Variants in SEMA6D observed in about 807,000 individuals in gnomAD.
SEMA6D encodes the protein semaphorin 6D.
Under a neutral mutation model 106.6 loss-of-function variants are expected in SEMA6D, and 35 were observed. That is an observed-to-expected ratio of 0.33 (90% CI 0.25 to 0.44). The LOEUF (loss-of-function observed/expected upper bound fraction) is 0.44. SEMA6D is among the 20% of genes least tolerant of loss of function. SEMA6D has a pLI of 1.00. For missense variants in SEMA6D, 1,185 were observed against 1,345.9 expected (o/e 0.88, Z 1.87); for synonymous variants, 499 against 487.7 (o/e 1.02, Z -0.31).
chr15:47,450,936 T>G (rs556780932), intron 2 of SEMA6D, among the ~76,000 whole-genome samples: 1 of 152,176 alleles, frequency 6.6e-6, no homozygotes, highest in African/African-American at 2.4e-5. Context: ...CCCACAAGCT[T>G]TGCCTCAGAA....
At chr15:47,552,480 GTGTGTC>G (rs1288019863) in intron 3 of SEMA6D, among the ~76,000 whole-genome samples, 5 of 144,344 alleles carry the variant, frequency 3.5e-5, no homozygotes, top group African/African-American at 1.3e-4. Context: ...GTGTGTGTGT[GTGTGTC>G]TGTGTGTGTA....
At chr15:47,676,816 T>C (rs2078255249) in intron 4 of SEMA6D, among the ~76,000 whole-genome samples, 1 of 152,176 alleles carries the variant, frequency 6.6e-6, no homozygotes, top group African/African-American at 2.4e-5. Flanking sequence ...GAGAGTTCTC[T>C]CCTGAATATT....
chr15:47,359,903 G>A (rs2038734765), intron 1 of SEMA6D: 2 of 152,196 alleles, frequency 1.3e-5, no homozygotes, highest in Admixed American at 6.5e-5. Context: ...ATGTGGTTGT[G>A]CTGAAAGATG....
chr15:47,718,473 G>A (rs972777020), intron 1 of SEMA6D: 1 of 152,244 alleles, frequency 6.6e-6, no homozygotes, highest in African/African-American at 2.4e-5. Context: ...CCCCATCCCC[G>A]GCCCAGGCCC....
intron 3 of SEMA6D, among the ~76,000 whole-genome samples, chr15:47,492,557 G>A (rs2043506403): frequency 6.6e-6 from 1 of 152,064 alleles, no homozygotes; most frequent in Admixed American, 6.5e-5. Context: ...AATATATAAA[G>A]GTGTTTTGAA....
chr15:47,409,107 G>C (rs550073966), intron 1 of SEMA6D, among the ~76,000 whole-genome samples: 3 of 152,308 alleles, frequency 2.0e-5, no homozygotes, highest in East Asian at 3.9e-4. Flanking sequence ...AATTCTCCTG[G>C]AACACTTCCT....
chr15:47,251,764 GTTATA>G (rs1314195424), intron 1 of SEMA6D, among the ~76,000 whole-genome samples: 3 of 151,912 alleles, frequency 2.0e-5, no homozygotes, highest in African/African-American at 7.3e-5. Context: ...TAGGTAGGTA[GTTATA>G]TTTTATTTTG....
At chr15:47,593,842 T>C (rs922634987) in intron 3 of SEMA6D, among the ~76,000 whole-genome samples, 1 of 152,106 alleles carries the variant, frequency 6.6e-6, no homozygotes, top group Non-Finnish European at 1.5e-5. Flanking sequence ...GGTGCAGTGC[T>C]ACACACTTAA....
At chr15:47,708,403 ATT>A (rs2078954288) in intron 4 of SEMA6D, among the ~76,000 whole-genome samples, 1 of 152,144 alleles carries the variant, frequency 6.6e-6, no homozygotes, top group Admixed American at 6.5e-5. Context: ...ACCTGTAGAC[ATT>A]TATCTTCCAG....
intron 1 of SEMA6D, among the ~76,000 whole-genome samples, chr15:47,404,659 T>C (rs2146064017): frequency 6.6e-6 from 1 of 152,314 alleles, no homozygotes; most frequent in Non-Finnish European, 1.5e-5. Flanking sequence ...TCTGATCTTT[T>C]GTTTCTTTTT....
At chr15:47,441,406 G>A (rs569440225) in intron 2 of SEMA6D, among the ~76,000 whole-genome samples, 4 of 152,218 alleles carry the variant, frequency 2.6e-5, no homozygotes, top group Admixed American at 1.3e-4. Flanking sequence ...TAGGAACAAG[G>A]TGTATTGAGA....
rs188757756 is a variant in SEMA6D at position 47,628,858 on chromosome 15, G to C, written c.-55+27962G>C. ...AAAACTTTGTCTTATTTTTTATAAG[G>C]GTTGTAGTTTCACATGTAAGTCTGA... On this transcript the variant is annotated intron_variant, in intron 4 of 19. Coordinates refer to the SEMA6D transcript ENST00000558014. 6.3e-4 allele frequency among the ~76,000 whole-genome samples: 96 copies of C among 152,112 alleles called. 1 individual carries two copies. The highest frequency in any genetic ancestry group is 2.2e-3 in the African/African-American group (93 of 41,528).
Position 47,760,361 on chromosome 15 carries a change from G to A in SEMA6D, c.167G>A (p.Arg56Lys), listed in dbSNP as rs2147672145. The A allele has an allele frequency of 6.2e-7, 1 of 1,613,708 alleles. No individual in the cohort carries two copies. The highest frequency in any genetic ancestry group is 2.2e-5 in the East Asian group (1 of 44,868). ...CCTTCAGGCAATGAATCGCAGCACAGGCTGGACTTTCAGCTGATGTTGAAA... is the reference window on the plus strand; with the variant it reads ...CCTTCAGGCAATGAATCGCAGCACAAGCTGGACTTTCAGCTGATGTTGAAA... ...GRPSGNESQH[R>K]LDFQLMLKIR... Residue 56 changes from arginine (R) to lysine (K), a missense_variant, in exon 3 of 19, where the codon AGG (arginine) becomes AAG (lysine). Around this residue, in one of 3 missense-constraint regions of SEMA6D, gnomAD observed 144 missense variants for 138.6 expected, o/e 1.04. Transcript: ENST00000536845.
rs1259597345 is a variant in SEMA6D at position 47,773,468 on chromosome 15, T to C, written c.*1683T>C. ...TAATATGCTGCACACCACACACTTG[T>C]TTAGTGAACCAAATCTAGAAAGTAC... On this transcript the variant is annotated 3_prime_UTR_variant, in exon 19 of 19. Coordinates refer to ENST00000536845, the MANE Select transcript of SEMA6D (RefSeq NM_001358351.3). The C allele has an allele frequency of 6.6e-6, 1 of 152,518 alleles. No individual in the cohort carries two copies. The highest frequency in any genetic ancestry group is 1.5e-5 in the Non-Finnish European group (1 of 68,028). 9.4% of individuals were successfully genotyped at this position (152,518 alleles called of 1,614,324 possible). A position where few individuals can be genotyped will look rare whatever the true frequency, so the allele number is the denominator to read the frequency against.
intron 4 of SEMA6D, among the ~76,000 whole-genome samples, chr15:47,657,025 A>G (rs1218404584): frequency 6.6e-6 from 1 of 152,238 alleles, no homozygotes; most frequent in African/African-American, 2.4e-5. Flanking sequence ...TTGAAATTGT[A>G]TCGAATGCCA....
chr15:47,212,336 C>T (rs1340102232), intron 1 of SEMA6D, among the ~76,000 whole-genome samples: 1 of 152,144 alleles, frequency 6.6e-6, no homozygotes, highest in Non-Finnish European at 1.5e-5. Flanking sequence ...CTGTGAGAAA[C>T]CTTTGAGAAA....
At chr15:47,348,727 C>CACAGAGAGAGAGAGAGAGAG (rs1450109233) in intron 1 of SEMA6D, among the ~76,000 whole-genome samples, 30 of 57,114 alleles carry the variant, frequency 5.3e-4, no homozygotes, top group East Asian at 1.1e-3. Context: ...ACCACACACA[C>CACAGAGAGAGAGAGAGAGAG]AGAGAGAGAG....
chr15:47,599,481 T>C (rs1326320451), intron 3 of SEMA6D, among the ~76,000 whole-genome samples: 1 of 151,664 alleles, frequency 6.6e-6, no homozygotes, highest in Non-Finnish European at 1.5e-5. Flanking sequence ...AGATGGAGTT[T>C]GGAGAAACTA....
intron 3 of SEMA6D, among the ~76,000 whole-genome samples, chr15:47,562,319 T>A (rs754398400): frequency 1.3e-5 from 2 of 152,020 alleles, no homozygotes; most frequent in Non-Finnish European, 2.9e-5. Flanking sequence ...ATTATAGACC[T>A]AAAATGTAGG....
Sources: allele counts gnomAD v4.1 joint callset (sites outside exome capture counted in the v4.1 genomes callset), GRCh38; gene constraint gnomAD v4.1.1; regional missense constraint gnomAD v4.1.1; transcripts MANE v1.5; gene names NCBI Gene and HGNC (gene_info 2026-07-23, HGNC 2026-07-21).